The following AQR variants were observed in gnomAD, a reference collection of about 807,000 sequenced individuals.
The protein encoded by AQR is aquarius intron-binding spliceosomal factor.
AQR carries 61 observed loss-of-function variants against 180.5 expected under a neutral mutation model. The ratio of observed to expected loss-of-function variants is 0.34; its 90% CI spans 0.28 to 0.42. AQR has a LOEUF of 0.42. Ranked by LOEUF, AQR falls within the 10% of genes least tolerant of loss-of-function variation. The pLI is 1.00. For missense variants in AQR, 1,281 were observed against 1,798.3 expected (o/e 0.71, Z 5.20); for synonymous variants, 551 against 588.8 (o/e 0.94, Z 0.93).
In AQR at chr15:34,873,844, T is replaced by A. The variant is rs1892856379; in HGVS notation, c.3581A>T (p.Asn1194Ile). Reference protein sequence around the residue: ...DFQGVGESEPNPYFYQNLGEA... With the variant: ...DFQGVGESEPIPYFYQNLGEA... Reference sequence around the variant, plus strand: ...TTTTCTTACCTGATAGAAGTAAGGATTAGGTTCAGATTCTCCCACTCCTTG... The same window carrying A: ...TTTTCTTACCTGATAGAAGTAAGGAATAGGTTCAGATTCTCCCACTCCTTG... Residue 1194 changes from asparagine (N) to isoleucine (I), a missense_variant, in exon 30 of 35, where the codon AAT (asparagine) becomes ATT (isoleucine). Physicochemically the swap from Asn to Ile is moderately radical, Grantham distance 149 (BLOSUM62 -3). Coordinates refer to ENST00000156471, the MANE Select transcript of AQR (RefSeq NM_014691.3). The A allele has an allele frequency of 3.1e-6, 5 of 1,595,652 alleles. No homozygotes were observed. The highest frequency in any genetic ancestry group is 1.1e-5 in the South Asian group (1 of 87,274).
intron 5 of AQR, among the ~76,000 whole-genome samples, chr15:34,947,017 C>A (rs1441949234): frequency 6.6e-6 from 1 of 152,224 alleles, no homozygotes; most frequent in African/African-American, 2.4e-5. Flanking sequence ...GTGTGCCCAA[C>A]AGCTCATTGA....
At position 34,878,385 on chromosome 15, in the gene AQR, C is replaced by T. The variant is rs1194368406; in HGVS notation, c.3166-2379G>A. 1.2e-4 allele frequency among the ~76,000 whole-genome samples: 5 copies of T among 41,658 alleles called. No individual in the cohort carries two copies. In the East Asian group the frequency reaches 4.9e-3, roughly 41 times the overall value. 27.3% of individuals were successfully genotyped at this position (41,658 alleles called of 152,430 possible). A position where few individuals can be genotyped will look rare whatever the true frequency, so the allele number is the denominator to read the frequency against. ...TGGGAAAAAGAATGAGACTCTGTCT[C>T]AAAAAAAAAAAAAAAAAAAAAAAAA... On this transcript the variant is annotated intron_variant, in intron 27 of 34. Transcript: ENST00000156471.
At chr15:34,893,520 T>C in intron 23 of AQR, 143 bp downstream of exon 23, 2 of 623,146 alleles carry the variant, frequency 3.2e-6, no homozygotes, top group South Asian at 2.3e-5. Flanking sequence ...ATAATGAAAC[T>C]AGATTTCTTG....
chr15:34,886,475 C>A (rs1010233364), intron 25 of AQR, 51 bp downstream of exon 25: 6 of 1,543,136 alleles, frequency 3.9e-6, no homozygotes, highest in Non-Finnish European at 5.2e-6. Flanking sequence ...CAGCTTCCAA[C>A]TGGGGTTCAT....
intron 1 of AQR, among the ~76,000 whole-genome samples, chr15:34,967,154 G>A (rs1299006121): frequency 6.7e-6 from 1 of 150,264 alleles, no homozygotes; most frequent in Non-Finnish European, 1.5e-5. Flanking sequence ...GGGATTACAG[G>A]TGTAATCCCA....
chr15:34,907,401 A>T (rs117860556), intron 17 of AQR, among the ~76,000 whole-genome samples: 1 of 152,234 alleles, frequency 6.6e-6, no homozygotes, highest in Non-Finnish European at 1.5e-5. Flanking sequence ...GACAAGGATT[A>T]TAAAATTAGA....
intron 32 of AQR, among the ~76,000 whole-genome samples, chr15:34,865,949 A>G (rs1242147064): frequency 6.6e-6 from 1 of 152,156 alleles, no homozygotes; most frequent in African/African-American, 2.4e-5. Context: ...TGCTACAGTG[A>G]TGAAAATGTT....
At chr15:34,861,729 T>C (rs12593818) in intron 33 of AQR, among the ~76,000 whole-genome samples, 95,204 of 152,014 alleles carry the variant, frequency 0.63, 31,909 homozygotes, top group South Asian at 0.76. Context: ...CTTGAGGCTT[T>C]ATGTGACCCT....
intron 14 of AQR, among the ~76,000 whole-genome samples, chr15:34,919,433 GA>G (rs1346480577): frequency 1.3e-5 from 2 of 152,096 alleles, no homozygotes; most frequent in South Asian, 2.1e-4. Context: ...AAAGCCTGGG[GA>G]AATCCTTTAG....
intron 19 of AQR, among the ~76,000 whole-genome samples, chr15:34,901,553 T>A (rs1034816066): frequency 2.0e-5 from 3 of 152,168 alleles, no homozygotes; most frequent in Non-Finnish European, 2.9e-5. Context: ...TTCAACAAAG[T>A]GAGCTATCTC....
chr15:34,943,452 T>A (rs1894058931), intron 6 of AQR: 1 of 440,166 alleles, frequency 2.3e-6, no homozygotes, highest in Non-Finnish European at 3.6e-6. Context: ...TCAAAATAAA[T>A]AAATAAATAA....
chr15:34,897,841 TA>T, intron 20 of AQR, 136 bp from the exon 21 acceptor site: 1 of 952,118 alleles, frequency 1.1e-6, no homozygotes. Flanking sequence ...TATCTGTATG[TA>T]AACTCTGAAA....
chr15:34,966,346 C>T lies in AQR; in HGVS notation c.76-2056G>A, dbSNP rs570417946. Among the ~76,000 whole-genome samples, 4 of 152,272 alleles carry T rather than the reference C, an allele frequency of 2.6e-5. No homozygotes were observed. The South Asian group carries it at 8.3e-4, about 32-fold the overall frequency. ...ATTAAAAAGAAAGAAGAAGAAAACA[C>T]CTAAGCCCAAGATGTCCCCTCTACC... On this transcript the variant is annotated intron_variant, in intron 1 of 34. Coordinates refer to ENST00000156471, the MANE Select transcript of AQR (RefSeq NM_014691.3).
At position 34,942,100 on chromosome 15, in the gene AQR, A is replaced by G. The variant is rs1894031594; in HGVS notation, c.472-20T>C. On this transcript the variant is annotated intron_variant, in intron 6 of 34. Coordinates refer to ENST00000156471, the MANE Select transcript of AQR (RefSeq NM_014691.3). ...TACTTCCTGTTTAGGGCATGAAGAA[A>G]ATAAGTTTATAAACATACCAGCATT... 6.2e-7 allele frequency: 1 copy of G among 1,600,594 alleles called. No individual in the cohort carries two copies. Among genetic ancestry groups the G allele is most frequent in the Non-Finnish European group, 8.5e-7 (1 of 1,169,762 alleles).
At chr15:34,938,843 T>C (rs1192453572) in intron 8 of AQR, 30 bp from the exon 9 acceptor site, 1 of 1,477,686 alleles carries the variant, frequency 6.8e-7, no homozygotes, top group Non-Finnish European at 9.4e-7. Flanking sequence ...TGACCAATTA[T>C]TTTTGAAGAA....
Position 34,934,561 on chromosome 15 carries a change from G to A in AQR, c.783+10C>T. ...ATTATATAACAAAAAAGTCACGGTA[G>A]ATTTCTTACCTCTAGATCAATCATA... On this transcript the variant is annotated intron_variant, in intron 10 of 34. Coordinates refer to ENST00000156471, the MANE Select transcript of AQR (RefSeq NM_014691.3). 2 of 1,574,240 alleles carry A rather than the reference G, an allele frequency of 1.3e-6. No homozygotes were observed. The highest frequency in any genetic ancestry group is 1.7e-6 in the Non-Finnish European group (2 of 1,165,050).
At chr15:34,953,162 C>T (rs918846189) in intron 3 of AQR, among the ~76,000 whole-genome samples, 4 of 152,160 alleles carry the variant, frequency 2.6e-5, no homozygotes, top group Middle Eastern at 3.2e-3. Flanking sequence ...ACGCAGGACA[C>T]ATATCTATAT....
intron 5 of AQR, among the ~76,000 whole-genome samples, chr15:34,945,158 C>T (rs192203230): frequency 1.1e-3 from 174 of 152,296 alleles, no homozygotes; most frequent in Admixed American, 1.8e-3. Context: ...ACCAATGATT[C>T]CAAATATACA....
chr15:34,862,786 A>G, intron 33 of AQR, 81 bp downstream of exon 33: 2 of 1,429,294 alleles, frequency 1.4e-6, no homozygotes, highest in Non-Finnish European at 1.9e-6. Flanking sequence ...TAATGTTCCA[A>G]GCTAATGTGG....
Sources: gnomAD v4.1 joint callset for allele counts (sites outside exome capture counted in the v4.1 genomes callset) on GRCh38, gnomAD v4.1.1 for gene constraint, MANE v1.5 for transcripts, NCBI Gene and HGNC (gene_info 2026-07-23, HGNC 2026-07-21) for gene names.